Variants in AKAP13 observed in about 807,000 individuals in gnomAD.
The protein encoded by AKAP13 is A-kinase anchoring protein 13, also known as A-kinase anchor protein 13.
In AKAP13, 80 loss-of-function variants were observed where a neutral mutation model predicts 264.5. The ratio of observed to expected loss-of-function variants is 0.30; its 90% CI spans 0.25 to 0.36. AKAP13 has a LOEUF of 0.36. Ranked by LOEUF, AKAP13 falls within the 10% of genes least tolerant of loss-of-function variation. The pLI is 1.00. For synonymous variants in AKAP13, 1,380 were observed against 1,250.2 expected (o/e 1.10, Z -2.19); for missense variants, 3,712 against 3,435.2 (o/e 1.08, Z -2.01).
At chr15:85,659,616 T>TA (rs3837735) in intron 12 of AKAP13, among the ~76,000 whole-genome samples, 44,464 of 152,080 alleles carry the variant, frequency 0.29, 6,669 homozygotes, top group Non-Finnish European at 0.31. Context: ...TCTTTGGAGA[T>TA]ACGTTTGTCT....
chr15:85,602,709 T>G (rs1243297836), intron 8 of AKAP13, among the ~76,000 whole-genome samples: 1 of 152,044 alleles, frequency 6.6e-6, no homozygotes, highest in Non-Finnish European at 1.5e-5. Flanking sequence ...AGCCTGGTCT[T>G]GAACTCCTGA....
chr15:85,713,720 A>AT (rs1163812258), intron 19 of AKAP13, among the ~76,000 whole-genome samples: 1 of 152,182 alleles, frequency 6.6e-6, no homozygotes, highest in African/African-American at 2.4e-5. Context: ...GAAATTAATG[A>AT]TTATATTAAT....
intron 8 of AKAP13, among the ~76,000 whole-genome samples, chr15:85,638,685 A>AT (rs2082173095): frequency 6.6e-6 from 1 of 151,518 alleles, no homozygotes; most frequent in African/African-American, 2.4e-5. Flanking sequence ...AGGGGGAAGT[A>AT]TTTGCTTTTT....
At chr15:85,460,170 C>G (rs927850873) in intron 1 of AKAP13, among the ~76,000 whole-genome samples, 3 of 152,166 alleles carry the variant, frequency 2.0e-5, no homozygotes, top group Non-Finnish European at 4.4e-5. Flanking sequence ...CCATATTAGT[C>G]TATAATTGTT....
chr15:85,697,525 C>T (rs768196335), intron 17 of AKAP13, among the ~76,000 whole-genome samples: 2 of 152,036 alleles, frequency 1.3e-5, no homozygotes, highest in South Asian at 2.1e-4. Context: ...GCTGAGGTCG[C>T]GCCACTGCAC....
intron 1 of AKAP13, among the ~76,000 whole-genome samples, chr15:85,408,529 C>G (rs1260433773): frequency 6.6e-6 from 1 of 151,688 alleles, no homozygotes; most frequent in Non-Finnish European, 1.5e-5. Flanking sequence ...CTTCCTGTTT[C>G]TATGGATTTG....
intron 17 of AKAP13, among the ~76,000 whole-genome samples, chr15:85,694,422 C>G (rs150718938): frequency 6.1e-4 from 93 of 152,258 alleles, no homozygotes; most frequent in Middle Eastern, 6.8e-3. Flanking sequence ...CAAAAGCAGC[C>G]GTAAGCAATA....
intron 5 of AKAP13, among the ~76,000 whole-genome samples, chr15:85,569,184 G>GT (rs895754404): frequency 8.5e-5 from 13 of 152,158 alleles, no homozygotes; most frequent in African/African-American, 3.1e-4. Flanking sequence ...AGACACCCTG[G>GT]TAAAGACATT....
At chr15:85,482,656 AC>A (rs1384621701) in intron 1 of AKAP13, among the ~76,000 whole-genome samples, 4 of 152,182 alleles carry the variant, frequency 2.6e-5, no homozygotes, top group African/African-American at 9.7e-5. Context: ...TCTCCAACTT[AC>A]CCTTTGACCT....
At chr15:85,416,494 C>G (rs537521528) in intron 1 of AKAP13, among the ~76,000 whole-genome samples, 12 of 152,160 alleles carry the variant, frequency 7.9e-5, no homozygotes, top group African/African-American at 2.9e-4. Flanking sequence ...CACTAATTCC[C>G]GTGGACATGA....
In AKAP13 at chr15:85,383,961, C is replaced by T. The variant is rs190287454; in HGVS notation, c.-12+3163C>T. ...CTTCAAGATAACACTTTAAAGGTGA[C>T]ACCATTTACAGAAGAAGGCAGTGAT... On this transcript the variant is annotated intron_variant, in intron 1 of 36. Transcript: ENST00000394518. Among the ~76,000 whole-genome samples, 112 of 152,294 alleles carry T rather than the reference C, an allele frequency of 7.4e-4. 1 individual carries two copies. The highest frequency in any genetic ancestry group is 2.5e-3 in the African/African-American group (105 of 41,550).
intron 19 of AKAP13, among the ~76,000 whole-genome samples, chr15:85,713,716 A>G (rs2086758686): frequency 6.6e-6 from 1 of 152,202 alleles, no homozygotes; most frequent in Non-Finnish European, 1.5e-5. Flanking sequence ...ATTGGAAATT[A>G]ATGATTATAT....
rs754175970 is a variant in AKAP13, at chr15:85,708,449, G to A, written c.5532+363G>A. Among the ~76,000 whole-genome samples the A allele has an allele frequency of 2.6e-5, 4 of 152,120 alleles. No individual in the cohort carries two copies. Among genetic ancestry groups the A allele is most frequent in the Non-Finnish European group, 5.9e-5 (4 of 68,024 alleles). ...TGTCTTCCTCCTTCAGGACTATCAGGGCAGCAGGTGGAGGTCAGGGGCATT... is the reference window on the plus strand; with the variant it reads ...TGTCTTCCTCCTTCAGGACTATCAGAGCAGCAGGTGGAGGTCAGGGGCATT... On this transcript the variant is annotated intron_variant, in intron 18 of 36. Coordinates refer to ENST00000394518, the MANE Select transcript of AKAP13 (RefSeq NM_007200.5). The surrounding 1 kb of genome is among the most constrained non-coding windows in gnomAD (Gnocchi z 4.3).
chr15:85,637,923 T>C (rs2082137609), intron 8 of AKAP13, among the ~76,000 whole-genome samples: 1 of 147,742 alleles, frequency 6.8e-6, no homozygotes, highest in Non-Finnish European at 1.5e-5. Flanking sequence ...TCACCCAGGC[T>C]GGAGTGCAGT....
At chr15:85,512,969 G>T (rs1388183961) in intron 2 of AKAP13, among the ~76,000 whole-genome samples, 1 of 151,964 alleles carries the variant, frequency 6.6e-6, no homozygotes, top group African/African-American at 2.4e-5. Flanking sequence ...CCATTCTCCT[G>T]CCTCAGCCTC....
intron 1 of AKAP13, among the ~76,000 whole-genome samples, chr15:85,437,191 CCT>C (rs1567056343): frequency 1.3e-5 from 2 of 148,358 alleles, no homozygotes; most frequent in Non-Finnish European, 3.0e-5. Context: ...ACTACAAACA[CCT>C]CTACGCAAAT....
intron 1 of AKAP13, among the ~76,000 whole-genome samples, chr15:85,439,420 C>T (rs2073509483): frequency 6.6e-6 from 1 of 152,012 alleles, no homozygotes; most frequent in African/African-American, 2.4e-5. Flanking sequence ...GGCGATTCCT[C>T]AAGGATCTAG....
At chr15:85,622,103 C>CT (rs1413285156) in intron 8 of AKAP13, among the ~76,000 whole-genome samples, 2 of 152,104 alleles carry the variant, frequency 1.3e-5, no homozygotes, top group Non-Finnish European at 2.9e-5. Flanking sequence ...AACCTAAGTA[C>CT]CTATCCCATG....
chr15:85,469,812 A>G (rs1403914176), intron 1 of AKAP13, among the ~76,000 whole-genome samples: 1 of 152,222 alleles, frequency 6.6e-6, no homozygotes, highest in Non-Finnish European at 1.5e-5. Flanking sequence ...TACAATCTAC[A>G]TGCCATGTCG....
Sources: allele counts gnomAD v4.1 joint callset (sites outside exome capture counted in the v4.1 genomes callset), GRCh38; gene constraint gnomAD v4.1.1; non-coding constraint Gnocchi (gnomAD v3.1); transcripts MANE v1.5; gene names NCBI Gene and HGNC (gene_info 2026-07-23, HGNC 2026-07-21).